The following POGZ variants were observed in gnomAD, a reference collection of about 807,000 sequenced individuals.
POGZ encodes the protein pogo transposable element with ZNF domain.
POGZ carries 17 observed loss-of-function variants against 134.6 expected under a neutral mutation model. That is an observed-to-expected ratio of 0.13 (90% CI 0.09 to 0.19). The LOEUF (loss-of-function observed/expected upper bound fraction) is 0.19, where lower values mean the gene tolerates loss of function less well. Ranked by LOEUF, POGZ falls within the 10% of genes least tolerant of loss-of-function variation. POGZ has a pLI of 1.00. For missense variants in POGZ, 1,306 were observed against 1,769.7 expected, an observed-to-expected ratio of 0.74 and a Z score of 4.70; for synonymous variants, 693 against 657.1, an observed-to-expected ratio of 1.05 and a Z score of -0.84.
At position 151,406,292 on chromosome 1, in the gene POGZ, C is replaced by A. The variant is rs764743518; in HGVS notation, c.2743G>T (p.Ala915Ser). Residue 915 changes from alanine (A) to serine (S), a missense_variant, in exon 19 of 19, where the codon GCA becomes TCA. Ala to Ser is a moderately conservative substitution (Grantham distance 99). Coordinates refer to ENST00000271715, the MANE Select transcript of POGZ (RefSeq NM_015100.4). ...APALPSPAST[A>S]TPPPTPTHPQ... Reference sequence around the variant, plus strand: ...TGAGTGGGGGTTGGTGGTGGGGTTGCAGTTGAGGCTGGTGATGGGAGTGCT... The same window carrying A: ...TGAGTGGGGGTTGGTGGTGGGGTTGAAGTTGAGGCTGGTGATGGGAGTGCT... 1 of 1,611,168 alleles carries A rather than the reference C, an allele frequency of 6.2e-7. No homozygotes were observed. Among genetic ancestry groups the A allele is most frequent in the Non-Finnish European group, 8.5e-7 (1 of 1,178,238 alleles).
rs150453554 is a variant in POGZ, at chr1:151,406,618, T to C, written c.2559A>G (p.Ile853Met). The change falls in exon 18 of 19, where the codon ATA becomes ATG. Residue 853 changes from isoleucine (I) to methionine (M), a missense_variant. By Grantham distance (10) the Ile-to-Met change is conservative (BLOSUM62 1). This residue lies in a region of POGZ where 214 missense variants were observed against 255.5 expected (regional missense o/e 0.84). Transcript: ENST00000271715. Reference sequence around the variant, plus strand: ...TGAGTTTTTGTTACCTTGAGTGAGCTATCCAAGTGAGTCCTATGGAAAATG... The same window carrying C: ...TGAGTTTTTGTTACCTTGAGTGAGCCATCCAAGTGAGTCCTATGGAAAATG... ...SSILPRGLTWIAHSRHGQTRD... is the reference protein window; with the variant it reads ...SSILPRGLTWMAHSRHGQTRD... 188 of 1,610,902 alleles carry C rather than the reference T, an allele frequency of 1.2e-4. No homozygotes were observed. The African/African-American group carries it at 2.4e-3, about 20-fold the overall frequency.
At position 151,410,531 on chromosome 1, in the gene POGZ, ATGGTGGT is replaced by A. The variant is rs58515461; in HGVS notation, c.1926+1087_1926+1093del. ...CTCTTCTGGTTTTCCTCCTAGTACTATGGTGGTTGCTTTATAGATAAGGGACTTCAAA... is the reference window on the plus strand; with the variant it reads ...CTCTTCTGGTTTTCCTCCTAGTACTATGCTTTATAGATAAGGGACTTCAAA... On this transcript the variant is annotated intron_variant, in intron 12 of 18. Coordinates refer to ENST00000271715, the MANE Select transcript of POGZ (RefSeq NM_015100.4). 9.1e-3 allele frequency among the ~76,000 whole-genome samples: 1,388 copies of A among 152,226 alleles called. 16 individuals carry two copies. The highest frequency in any genetic ancestry group is 0.032 in the African/African-American group (1,332 of 41,526).
intron 1 of POGZ, among the ~76,000 whole-genome samples, chr1:151,457,264 T>TC (rs1662887047): frequency 2.0e-5 from 3 of 152,156 alleles, no homozygotes; most frequent in Admixed American, 2.0e-4. Flanking sequence ...GGGAAGGAAA[T>TC]CAACGGCACA....
chr1:151,408,372 G>T, intron 14 of POGZ, 37 bp downstream of exon 14: 1 of 1,532,514 alleles, frequency 6.5e-7, no homozygotes, highest in Non-Finnish European at 8.8e-7. Context: ...TGGCCACCCA[G>T]TCCCCACCCG....
chr1:151,422,216 C>A (rs1657031376), intron 10 of POGZ, among the ~76,000 whole-genome samples: 1 of 152,210 alleles, frequency 6.6e-6, no homozygotes, highest in East Asian at 1.9e-4. Flanking sequence ...GCACGACTTT[C>A]TTGGAAACCT....
chr1:151,411,543 G>A (rs1654666276), intron 12 of POGZ, 82 bp downstream of exon 12: 12 of 922,286 alleles, frequency 1.3e-5, no homozygotes, highest in Admixed American at 2.4e-5. Flanking sequence ...CAAATTATTT[G>A]CCTAGCTCAG....
At chr1:151,408,667 T>C in intron 13 of POGZ, 27 bp downstream of exon 13, 5 of 1,610,586 alleles carry the variant, frequency 3.1e-6, no homozygotes, top group Non-Finnish European at 4.2e-6. Flanking sequence ...TCCCTGGGCC[T>C]ATAAAAGACA....
Position 151,413,274 on chromosome 1 carries a change from C to T in POGZ, c.1679-878G>A, listed in dbSNP as rs1655002604. The stretch of plus-strand genomic sequence containing the variant: ...GGACTACAGTGGTGCACCACCATGC[C>T]CAAGTAATTAAAAAAAATTTTTTTT... On this transcript the variant is annotated intron_variant, in intron 10 of 18. Coordinates refer to ENST00000271715, the MANE Select transcript of POGZ (RefSeq NM_015100.4). Among the ~76,000 whole-genome samples the T allele has an allele frequency of 3.3e-5, 5 of 151,882 alleles. No homozygotes were observed. In the South Asian group the frequency reaches 1.0e-3, roughly 32 times the overall value.
intron 3 of POGZ, among the ~76,000 whole-genome samples, chr1:151,436,303 C>T (rs1366254549): frequency 6.6e-6 from 1 of 152,062 alleles, no homozygotes; most frequent in African/African-American, 2.4e-5. Context: ...CCTCATTTCC[C>T]CTAGCAATTA....
At chr1:151,416,100 C>G (rs1017762976) in intron 10 of POGZ, among the ~76,000 whole-genome samples, 1 of 141,938 alleles carries the variant, frequency 7.0e-6, no homozygotes, top group Admixed American at 7.3e-5. Context: ...CCCAGCTACT[C>G]GGGAGGCTGA....
rs768449375 is a variant in POGZ at position 151,406,387 on chromosome 1, T to C, written c.2648A>G (p.Lys883Arg). The change falls in exon 19 of 19, where the codon AAA (lysine) becomes AGA (arginine). Residue 883 changes from lysine to arginine, a missense_variant. Coordinates refer to ENST00000271715, the MANE Select transcript of POGZ (RefSeq NM_015100.4). The part of the protein sequence containing the change: ...MYPPPSFPTN[K>R]AATVKSAGAT... ...CCCCGCAGATTTCACAGTGGCAGCTTTGTTAGTGGGGAAGGAAGGAGGAGG... is the reference window on the plus strand; with the variant it reads ...CCCCGCAGATTTCACAGTGGCAGCTCTGTTAGTGGGGAAGGAAGGAGGAGG... The C allele has an allele frequency of 1.3e-6, 2 of 1,578,464 alleles. No homozygotes were observed. The highest frequency in any genetic ancestry group is 1.2e-5 in the South Asian group (1 of 84,678).
chr1:151,424,479 T>C (rs2102275292), intron 8 of POGZ, 193 bp from the exon 9 acceptor site: 1 of 464,526 alleles, frequency 2.2e-6, no homozygotes, highest in Non-Finnish European at 3.8e-6. Context: ...ACCCAAGCGC[T>C]ATACTTTGTA....
At chr1:151,430,615 T>A (rs1400239449) in intron 4 of POGZ, 51 bp downstream of exon 4, 1 of 1,416,728 alleles carries the variant, frequency 7.1e-7, no homozygotes. Flanking sequence ...TTTTCAGAGG[T>A]TTATAGTCTT....
At chr1:151,426,382 T>C (rs1193138296) in intron 7 of POGZ, 1 of 152,042 alleles carries the variant, frequency 6.6e-6, no homozygotes, top group Non-Finnish European at 1.5e-5. Context: ...AGACGGGGTT[T>C]CACCATTATT....
chr1:151,428,057 G>T lies in POGZ; in HGVS notation c.860-16C>A, dbSNP rs1248240356. The stretch of plus-strand genomic sequence containing the variant: ...AAGGAGGGAGCTACGGTGACCAAGT[G>T]ATAATCATCTGTTCTCCACCCACCA... On this transcript the variant is annotated splice_polypyrimidine_tract_variant and intron_variant, in intron 6 of 18. Transcript: ENST00000271715. The T allele has an allele frequency of 1.2e-6, 2 of 1,613,628 alleles. No individual in the cohort carries two copies. The highest frequency in any genetic ancestry group is 1.3e-5 in the African/African-American group (1 of 74,920).
At chr1:151,458,684 GCGCCCCCGCCCC>G (rs951528120) in intron 1 of POGZ, among the ~76,000 whole-genome samples, 2 of 141,540 alleles carry the variant, frequency 1.4e-5, no homozygotes, top group African/African-American at 5.1e-5. Flanking sequence ...GCCACCGCCC[GCGCCCCCGCCCC>G]CGCCCCTTCC....
intron 3 of POGZ, among the ~76,000 whole-genome samples, chr1:151,433,074 T>C (rs2102320214): frequency 6.6e-6 from 1 of 152,310 alleles, no homozygotes; most frequent in Non-Finnish European, 1.5e-5. Context: ...ATCTCTTATT[T>C]ATCCTAATTC....
chr1:151,449,365 A>G (rs1661718747), intron 1 of POGZ, among the ~76,000 whole-genome samples: 1 of 152,112 alleles, frequency 6.6e-6, no homozygotes, highest in Non-Finnish European at 1.5e-5. Flanking sequence ...TGGTAGTCAC[A>G]ATCAGGGTGG....
intron 1 of POGZ, among the ~76,000 whole-genome samples, chr1:151,454,801 T>C (rs1242361944): frequency 1.3e-5 from 2 of 152,206 alleles, no homozygotes; most frequent in Non-Finnish European, 2.9e-5. Context: ...TCTCCTCCCC[T>C]TGGTTACATA....
Sources: gnomAD v4.1 joint callset for allele counts (sites outside exome capture counted in the v4.1 genomes callset) on GRCh38, gnomAD v4.1.1 for gene constraint, gnomAD v4.1.1 regional missense constraint, MANE v1.5 for transcripts, NCBI Gene and HGNC (gene_info 2026-07-23, HGNC 2026-07-21) for gene names.